Variants in ANO3 observed in about 807,000 individuals in gnomAD.
The protein encoded by ANO3 is anoctamin 3, also known as anoctamin-3.
Under a neutral mutation model 144.8 loss-of-function variants are expected in ANO3, and 99 were observed. The observed-to-expected ratio is 0.68, with a 90% CI of 0.58 to 0.81. ANO3 has a LOEUF of 0.81. ANO3 is among the 30% of genes least tolerant of loss of function. The pLI is 0.00. For synonymous variants in ANO3, 414 were observed against 392.6 expected (o/e 1.05, Z -0.64); for missense variants, 905 against 1,202.2 (o/e 0.75, Z 3.66).
intron 1 of ANO3, among the ~76,000 whole-genome samples, chr11:26,230,177 A>G (rs1475800124): frequency 6.6e-6 from 1 of 152,174 alleles, no homozygotes; most frequent in African/African-American, 2.4e-5. Flanking sequence ...AACAAAACAG[A>G]TTATTTCTTT....
At chr11:26,534,189 G>A (rs973448675) in intron 8 of ANO3, among the ~76,000 whole-genome samples, 4 of 152,186 alleles carry the variant, frequency 2.6e-5, no homozygotes, top group Admixed American at 2.6e-4. Context: ...AAAATGTATG[G>A]GAGCCAATGG....
At position 26,315,045 on chromosome 11, in the gene ANO3, T is replaced by C. The variant is rs567747991; in HGVS notation, c.-3+5326T>C. Among the ~76,000 whole-genome samples, 194 of 152,242 alleles carry C rather than the reference T, an allele frequency of 1.3e-3. 1 individual carries two copies. The highest frequency in any genetic ancestry group is 4.5e-3 in the African/African-American group (188 of 41,540). Reference sequence around the variant, plus strand: ...TGAGTAAATATTATTGTTTTTATTTTACATCTAATATTTTCTTTCCATAAA... The same window carrying C: ...TGAGTAAATATTATTGTTTTTATTTCACATCTAATATTTTCTTTCCATAAA... On this transcript the variant is annotated intron_variant, in intron 1 of 26. Transcript: ENST00000525139.
chr11:26,265,643 TAGACAAGTAGAATTCTAC>T (rs1853291945), intron 1 of ANO3, among the ~76,000 whole-genome samples: 2 of 152,188 alleles, frequency 1.3e-5, no homozygotes, highest in South Asian at 4.1e-4. Flanking sequence ...CTTTATCCTA[TAGACAAGTAGAATTCTAC>T]AGTAAGCATT....
chr11:26,273,008 G>A (rs1393408687), intron 1 of ANO3, among the ~76,000 whole-genome samples: 1 of 151,950 alleles, frequency 6.6e-6, no homozygotes, highest in Non-Finnish European at 1.5e-5. Context: ...TTTAAGTATT[G>A]CATAATATTA....
intron 1 of ANO3, among the ~76,000 whole-genome samples, chr11:26,196,177 A>G (rs894400279): frequency 1.6e-4 from 25 of 152,140 alleles, no homozygotes; most frequent in African/African-American, 5.3e-4. Flanking sequence ...AGACCAAACA[A>G]ATGCTCTCGA....
At chr11:26,460,235 A>G (rs1194626950) in intron 3 of ANO3, 2 of 319,114 alleles carry the variant, frequency 6.3e-6, no homozygotes, top group African/African-American at 4.5e-5. Context: ...TTTCATTTTT[A>G]TTCTGTTAAT....
At chr11:26,238,386 G>A (rs1001089971) in intron 1 of ANO3, among the ~76,000 whole-genome samples, 2 of 152,060 alleles carry the variant, frequency 1.3e-5, no homozygotes, top group Non-Finnish European at 1.5e-5. Flanking sequence ...ATTTGCTGTT[G>A]AATTCAATAG....
chr11:26,289,873 T>A (rs566565821), intron 1 of ANO3, among the ~76,000 whole-genome samples: 19 of 151,914 alleles, frequency 1.3e-4, no homozygotes, highest in African/African-American at 4.3e-4. Flanking sequence ...GATATTGGTC[T>A]AAAATTCTCT....
intron 1 of ANO3, among the ~76,000 whole-genome samples, chr11:26,266,771 T>C (rs1337035938): frequency 1.3e-5 from 2 of 150,692 alleles, no homozygotes; most frequent in African/African-American, 2.4e-5. Flanking sequence ...TGCAGAGTGG[T>C]CAGTGGCAAG....
In ANO3 at chr11:26,324,021, A is replaced by ATT. The variant is rs1421157670; in HGVS notation, c.-3+14303_-3+14304dup. ...TATTTGACCTATCTGTTAAAGCCACATTCACAAGGTTTATGTTTATCTGAT... is the reference window on the plus strand; with the variant it reads ...TATTTGACCTATCTGTTAAAGCCACATTTTCACAAGGTTTATGTTTATCTGAT... On this transcript the variant is annotated intron_variant, in intron 1 of 26. Coordinates refer to the ANO3 transcript ENST00000525139. 2.0e-5 allele frequency among the ~76,000 whole-genome samples: 3 copies of ATT among 152,196 alleles called. No individual in the cohort carries two copies. The East Asian group carries it at 5.8e-4, about 29-fold the overall frequency.
intron 4 of ANO3, among the ~76,000 whole-genome samples, chr11:26,504,775 G>A (rs1219943795): frequency 6.9e-6 from 1 of 143,944 alleles, no homozygotes; most frequent in Admixed American, 7.0e-5. Flanking sequence ...TGTAATCCCA[G>A]CACTTTGGGA....
In ANO3 at chr11:26,449,434, T is replaced by C. The variant is rs183108219; in HGVS notation, c.313+5598T>C. ...TACTTTTAGGATTAGGACAGACAAA[T>C]GGATGAAAGAGCATTCCCTCTCTCT... is the stretch of plus-strand genomic sequence containing the variant. On this transcript the variant is annotated intron_variant, in intron 3 of 26. Transcript: ENST00000256737. 5.9e-5 allele frequency among the ~76,000 whole-genome samples: 9 copies of C among 151,956 alleles called. No individual in the cohort carries two copies. In the East Asian group the frequency reaches 1.7e-3, roughly 29 times the overall value.
chr11:26,214,774 T>A (rs925858250), intron 1 of ANO3, among the ~76,000 whole-genome samples: 14 of 151,924 alleles, frequency 9.2e-5, no homozygotes, highest in African/African-American at 3.4e-4. Flanking sequence ...AATTCCATAC[T>A]TTATTCAGAT....
At chr11:26,472,719 A>G (rs1452078164) in intron 4 of ANO3, among the ~76,000 whole-genome samples, 1 of 151,826 alleles carries the variant, frequency 6.6e-6, no homozygotes, top group African/African-American at 2.4e-5. Context: ...GCTTAGTTAG[A>G]TCCTGATAAA....
chr11:26,289,912 G>A (rs1011160517), intron 1 of ANO3, among the ~76,000 whole-genome samples: 2 of 151,780 alleles, frequency 1.3e-5, no homozygotes, highest in Admixed American at 6.6e-5. Context: ...CCAGGCTTTG[G>A]TGTCAGGATG....
rs539115949 is a variant in ANO3 at position 26,478,856 on chromosome 11, A to T, written c.432+15708A>T. The stretch of plus-strand genomic sequence containing the variant: ...AATGACTACGTGTAGTCATCAGGTA[A>T]TTACTTTGCTTCTGTCTTCAGGCTA... On this transcript the variant is annotated intron_variant, in intron 4 of 26. Transcript: ENST00000256737. Among the ~76,000 whole-genome samples, 7 of 152,200 alleles carry T rather than the reference A, an allele frequency of 4.6e-5. No homozygotes were observed. In the East Asian group the frequency reaches 1.4e-3, roughly 29 times the overall value.
At chr11:26,505,554 G>C (rs565084421) in intron 4 of ANO3, among the ~76,000 whole-genome samples, 3 of 152,304 alleles carry the variant, frequency 2.0e-5, no homozygotes, top group East Asian at 3.9e-4. Context: ...TAACAAATCA[G>C]AGGAAGAGAG....
intron 1 of ANO3, among the ~76,000 whole-genome samples, chr11:26,267,785 C>T (rs1359713430): frequency 1.3e-5 from 2 of 152,030 alleles, no homozygotes; most frequent in African/African-American, 4.8e-5. Context: ...CATAATATTC[C>T]CTTTGCTGTG....
intron 4 of ANO3, among the ~76,000 whole-genome samples, chr11:26,490,199 T>C (rs1215454377): frequency 3.3e-5 from 5 of 152,190 alleles, no homozygotes; most frequent in South Asian, 2.1e-4. Context: ...TGAGATCTGA[T>C]GGGTTTATCA....
Sources: gnomAD v4.1 joint callset for allele counts (sites outside exome capture counted in the v4.1 genomes callset) on GRCh38, gnomAD v4.1.1 for gene constraint, MANE v1.5 for transcripts, NCBI Gene and HGNC (gene_info 2026-07-23, HGNC 2026-07-21) for gene names.